The following SEPTIN6 variants were observed in gnomAD, a reference collection of about 807,000 sequenced individuals.
SEPTIN6 encodes the protein septin-6.
Under a neutral mutation model 33.6 loss-of-function variants are expected in SEPTIN6, and 8 were observed. The ratio of observed to expected loss-of-function variants is 0.24; its 90% confidence interval spans 0.14 to 0.43. The LOEUF (loss-of-function observed/expected upper bound fraction) is 0.43. SEPTIN6 is among the 20% of genes least tolerant of loss of function. The pLI is 1.00. For missense variants in SEPTIN6, 250 were observed against 340.8 expected (o/e 0.73, Z 2.10); for synonymous variants, 131 against 140.0 (o/e 0.94, Z 0.45).
At chrX:119,689,524 T>C (rs2055120643) in intron 1 of SEPTIN6, among the ~76,000 whole-genome samples, 3 of 112,090 alleles carry the variant, frequency 2.7e-5, no homozygotes, top group Non-Finnish European at 5.6e-5. Flanking sequence ...TCCCACTCTG[T>C]CGCCCAGGCT....
intron 8 of SEPTIN6, among the ~76,000 whole-genome samples, chrX:119,631,030 C>T (rs2147467611): frequency 9.0e-6 from 1 of 111,431 alleles, no homozygotes; most frequent in African/African-American, 3.3e-5. Context: ...CACTTTCTTT[C>T]ATGGATTCAG....
intron 6 of SEPTIN6, among the ~76,000 whole-genome samples, chrX:119,639,562 T>C (rs2054118869): frequency 1.8e-5 from 2 of 112,015 alleles, no homozygotes; most frequent in African/African-American, 6.5e-5. Context: ...TTAACACCAA[T>C]GTCTCCACAA....
At chrX:119,628,689 G>C (rs917204355) in intron 9 of SEPTIN6, 2 of 111,147 alleles carry the variant, frequency 1.8e-5, no homozygotes, top group African/African-American at 6.5e-5. Flanking sequence ...TGTATTTTTA[G>C]TAGAGATGGG....
rs2053714751 is a variant in SEPTIN6 at position 119,619,568 on chromosome X, G to A, written c.*525C>T. 1 of 819,919 alleles carries A rather than the reference G, an allele frequency of 1.2e-6. No homozygotes were observed. Among genetic ancestry groups the A allele is most frequent in the African/African-American group, 2.2e-5 (1 of 46,347 alleles). 67.6% of individuals were successfully genotyped at this position (819,919 alleles called of 1,213,427 possible). ...AGGCTGTCCTTTTGAAACCCTCTAA[G>A]AAATGGCTGTGGCTCCTGAGGATGA... On this transcript the variant is annotated 3_prime_UTR_variant, in exon 11 of 11. Transcript: ENST00000394610.
At chrX:119,676,878 T>A (rs2054851459) in intron 1 of SEPTIN6, among the ~76,000 whole-genome samples, 1 of 112,044 alleles carries the variant, frequency 8.9e-6, no homozygotes, top group African/African-American at 3.2e-5. Flanking sequence ...AGGTGTTAGT[T>A]ACAGCCCCAT....
intron 6 of SEPTIN6, 47 bp downstream of exon 6, chrX:119,640,645 G>T (rs866507145): frequency 9.8e-7 from 1 of 1,018,956 alleles, no homozygotes. Flanking sequence ...CAAAGAGACA[G>T]ACAAAAGGGG....
intron 5 of SEPTIN6, among the ~76,000 whole-genome samples, chrX:119,642,658 C>T (rs1300935613): frequency 1.8e-5 from 2 of 111,572 alleles, no homozygotes; most frequent in Non-Finnish European, 3.8e-5. Context: ...AAATCTGTCG[C>T]TTGTTTGTTT....
chrX:119,617,372 A>G lies in SEPTIN6; in HGVS notation c.*2721T>C. ...TTTTAATAGGTTGATCAACTTTTTA[A>G]TTTATGTTCACTCATGGGTTCGATT... On this transcript the variant is annotated 3_prime_UTR_variant, in exon 11 of 11. Coordinates refer to ENST00000394610, the MANE Select transcript of SEPTIN6 (RefSeq NM_145799.4). 1 of 804,101 alleles carries G rather than the reference A, an allele frequency of 1.2e-6. No homozygotes were observed. The allele number at this position is 804,101 out of a possible 1,213,427, so 66.3% of individuals were successfully genotyped here.
At chrX:119,624,161 T>TTTTG (rs2053820088) in intron 10 of SEPTIN6, 21 of 208,492 alleles carry the variant, frequency 1.0e-4, no homozygotes, top group Non-Finnish European at 2.8e-5. Context: ...TTTTTTGTTT[T>TTTTG]TTTTTTTGTT....
intron 6 of SEPTIN6, among the ~76,000 whole-genome samples, chrX:119,640,430 G>A (rs2054139463): frequency 9.2e-6 from 1 of 109,007 alleles, no homozygotes; most frequent in Non-Finnish European, 1.9e-5. Context: ...ATGCTTTTTC[G>A]CACACTCCTT....
intron 5 of SEPTIN6, among the ~76,000 whole-genome samples, chrX:119,648,737 T>C (rs777767486): frequency 3.5e-4 from 39 of 111,901 alleles, no homozygotes; most frequent in African/African-American, 5.5e-4. Context: ...CAGCTGAAGT[T>C]GTAATGATAA....
At chrX:119,692,799 G>C (rs1386389189) in intron 1 of SEPTIN6, among the ~76,000 whole-genome samples, 1 of 112,453 alleles carries the variant, frequency 8.9e-6, no homozygotes, top group African/African-American at 3.2e-5. Flanking sequence ...CGAGGGAGGC[G>C]GTGGCGCTCA....
At chrX:119,652,805 G>T (rs1360698633) in intron 4 of SEPTIN6, 49 bp downstream of exon 4, 2 of 1,078,611 alleles carry the variant, frequency 1.9e-6, no homozygotes, top group Non-Finnish European at 2.5e-6. Context: ...CTTTGCACAA[G>T]AGATCAGTAA....
chrX:119,658,097 C>T (rs907140798), intron 3 of SEPTIN6, among the ~76,000 whole-genome samples: 2 of 111,898 alleles, frequency 1.8e-5, no homozygotes, highest in Non-Finnish European at 3.8e-5. Flanking sequence ...ACTGCACTCC[C>T]GTCTGGGCAA....
intron 3 of SEPTIN6, among the ~76,000 whole-genome samples, chrX:119,659,048 C>T (rs931076157): frequency 8.9e-6 from 1 of 112,226 alleles, no homozygotes; most frequent in African/African-American, 3.2e-5. Context: ...TTGGAAAAGC[C>T]TTCTCTACCC....
At chrX:119,651,785 C>G (rs2054356281) in intron 4 of SEPTIN6, among the ~76,000 whole-genome samples, 1 of 112,934 alleles carries the variant, frequency 8.9e-6, no homozygotes, top group Admixed American at 9.4e-5. Flanking sequence ...ACAGGACATG[C>G]AGGGCATGGC....
intron 1 of SEPTIN6, among the ~76,000 whole-genome samples, chrX:119,690,428 T>C (rs1421291125): frequency 9.4e-6 from 1 of 106,946 alleles, no homozygotes; most frequent in Non-Finnish European, 1.9e-5. Flanking sequence ...TCAGAGCTCA[T>C]TAAAAAGAAT....
intron 8 of SEPTIN6, among the ~76,000 whole-genome samples, chrX:119,633,095 G>A (rs980887753): frequency 7.1e-5 from 8 of 112,314 alleles, no homozygotes; most frequent in African/African-American, 2.6e-4. Flanking sequence ...ATGGGCATTT[G>A]AGTTGATTCT....
Position 119,618,977 on chromosome X carries a change from G to A in SEPTIN6, c.*1116C>T. ...GGACCCATGATAAAAACTTAGGGCT[G>A]GAATATTTTTAAACTCTCAACTCCT... On this transcript the variant is annotated 3_prime_UTR_variant, in exon 11 of 11. Transcript: ENST00000394610. The A allele has an allele frequency of 1.0e-6, 1 of 975,204 alleles. No individual in the cohort carries two copies. Among genetic ancestry groups the A allele is most frequent in the Non-Finnish European group, 1.3e-6 (1 of 772,757 alleles). 80.4% of individuals were successfully genotyped at this position (975,204 alleles called of 1,213,427 possible). A position where few individuals can be genotyped will look rare whatever the true frequency, so the allele number is the denominator to read the frequency against.
Sources: allele counts gnomAD v4.1 joint callset (sites outside exome capture counted in the v4.1 genomes callset), GRCh38; gene constraint gnomAD v4.1.1; transcripts MANE v1.5; gene names NCBI Gene and HGNC (gene_info 2026-07-23, HGNC 2026-07-21).